Variants in GPR89B observed in about 807,000 individuals in gnomAD.
GPR89B encodes the protein golgi pH regulator B, also known as G protein-coupled receptor 89B.
Under a neutral mutation model 52.4 loss-of-function variants are expected in GPR89B, and 25 were observed. The observed-to-expected ratio is 0.48, with a 90% CI of 0.35 to 0.67. The LOEUF is 0.67. GPR89B is among the 30% of genes least tolerant of loss of function. The probability of loss-of-function intolerance (pLI) is 0.01; values close to 1 mark genes in which losing one functional copy is unlikely to be tolerated. For missense variants in GPR89B, 146 were observed against 450.2 expected, an observed-to-expected ratio of 0.32 and a Z score of 6.11; for synonymous variants, 52 against 151.2, an observed-to-expected ratio of 0.34 and a Z score of 4.81.
At chr1:148,009,982 C>G in the GPR89B span, among the ~76,000 whole-genome samples, 1 of 151,618 alleles carries the variant, frequency 6.6e-6, no homozygotes, top group African/African-American at 2.4e-5. Context: ...ACCCCAGTCT[C>G]CAGCATGGGA....
chr1:147,979,865 G>A (rs1658108265), intron 10 of GPR89B, among the ~76,000 whole-genome samples: 1 of 151,858 alleles, frequency 6.6e-6, no homozygotes, highest in Non-Finnish European at 1.5e-5. Context: ...GAAGCAGGAG[G>A]ACTGCTTGAG....
At chr1:147,956,882 T>C (rs1370187039) in intron 7 of GPR89B, among the ~76,000 whole-genome samples, 3 of 151,710 alleles carry the variant, frequency 2.0e-5, no homozygotes, top group African/African-American at 7.3e-5. Context: ...GGATTATAGG[T>C]GCGCACCACC....
At chr1:147,985,942 A>C (rs1658633129) in intron 10 of GPR89B, among the ~76,000 whole-genome samples, 1 of 152,256 alleles carries the variant, frequency 6.6e-6, no homozygotes, top group South Asian at 2.1e-4. Context: ...TGATAAATTA[A>C]GGCATAATGC....
At chr1:148,015,293 A>AGCTCTCTCTC in the GPR89B span, among the ~76,000 whole-genome samples, 1 of 69,860 alleles carries the variant, frequency 1.4e-5, no homozygotes, top group Non-Finnish European at 2.7e-5. Context: ...GGATTCTAGG[A>AGCTCTCTCTC]TCTCTCTCTC....
chr1:147,941,674 AATG>A (rs1174032229), intron 3 of GPR89B, among the ~76,000 whole-genome samples: 1 of 149,392 alleles, frequency 6.7e-6, no homozygotes, highest in Non-Finnish European at 1.5e-5. Context: ...AGTAACAATA[AATG>A]ATAATTATGC....
At chr1:147,971,562 C>CG (rs1306439213) in intron 10 of GPR89B, among the ~76,000 whole-genome samples, 2 of 150,664 alleles carry the variant, frequency 1.3e-5, no homozygotes, top group African/African-American at 4.9e-5. Context: ...GCAACCCCTC[C>CG]GCCTTCCAGA....
rs191737588 is a variant in GPR89B at position 147,928,646 on chromosome 1, C to G, written c.42+68C>G. On this transcript the variant is annotated intron_variant, in intron 1 of 13. Transcript: ENST00000314163. ...CACCGAATCGCCCTCTCCGGTCCTC[C>G]GCGGTGCGGGCTGGTCCGGGGTCTC... 4.9e-3 allele frequency: 7,755 copies of G among 1,598,748 alleles called. 16 individuals are homozygous for G. Among genetic ancestry groups the G allele is most frequent in the Middle Eastern group, 6.6e-3 (40 of 6,020 alleles).
chr1:147,960,248 C>G (rs1656432002), intron 7 of GPR89B, among the ~76,000 whole-genome samples: 1 of 151,176 alleles, frequency 6.6e-6, no homozygotes, highest in Non-Finnish European at 1.5e-5. Flanking sequence ...TTACCTTCAA[C>G]CAAAACTTGC....
chr1:148,003,038 A>G, the GPR89B span, among the ~76,000 whole-genome samples: 1 of 152,204 alleles, frequency 6.6e-6, no homozygotes, highest in Non-Finnish European at 1.5e-5. Context: ...TTCATTATGG[A>G]CATATGTCTC....
chr1:147,967,444 A>C (rs1395504860), intron 8 of GPR89B: 5 of 151,624 alleles, frequency 3.3e-5, no homozygotes, highest in African/African-American at 9.8e-5. Flanking sequence ...TAAAAAAGAA[A>C]GGATAAAGGA....
At chr1:147,958,638 C>CA (rs587655520) in intron 7 of GPR89B, among the ~76,000 whole-genome samples, 1,279 of 109,340 alleles carry the variant, frequency 0.012, 17 homozygotes, top group African/African-American at 0.03. Flanking sequence ...GACTCTGTCT[C>CA]AAAAAAAAAA....
At chr1:147,937,797 T>C (rs1654215341) in intron 2 of GPR89B, among the ~76,000 whole-genome samples, 1 of 152,210 alleles carries the variant, frequency 6.6e-6, no homozygotes, top group Non-Finnish European at 1.5e-5. Flanking sequence ...ACACATGTTT[T>C]GCAAACAATT....
At chr1:147,978,199 G>T (rs1170936986) in intron 10 of GPR89B, among the ~76,000 whole-genome samples, 3 of 151,864 alleles carry the variant, frequency 2.0e-5, no homozygotes, top group African/African-American at 7.3e-5. Context: ...TGTTGATGTT[G>T]TTGTTGTTGC....
downstream of GPR89B, among the ~76,000 whole-genome samples, chr1:147,996,056 A>C (rs1488240713): frequency 6.6e-6 from 1 of 152,092 alleles, no homozygotes; most frequent in Non-Finnish European, 1.5e-5. Context: ...ATATTTATGA[A>C]GGCTATAACT....
At chr1:148,000,324 T>C in the GPR89B span, among the ~76,000 whole-genome samples, 2 of 151,472 alleles carry the variant, frequency 1.3e-5, no homozygotes, top group Non-Finnish European at 2.9e-5. Flanking sequence ...ATTAGAGACT[T>C]CTATTCAAGT....
At chr1:147,932,297 G>A (rs1427284657) in intron 1 of GPR89B, among the ~76,000 whole-genome samples, 13 of 151,826 alleles carry the variant, frequency 8.6e-5, no homozygotes, top group African/African-American at 3.1e-4. Context: ...GCTTGATCTA[G>A]ATGCTTGGAT....
intron 7 of GPR89B, among the ~76,000 whole-genome samples, chr1:147,958,745 A>G (rs1415228133): frequency 1.3e-5 from 2 of 152,150 alleles, no homozygotes; most frequent in East Asian, 3.9e-4. Context: ...TGTACATACT[A>G]TAGCCCATTT....
chr1:147,933,034 T>C (rs1385093229), intron 1 of GPR89B, among the ~76,000 whole-genome samples: 2 of 152,176 alleles, frequency 1.3e-5, no homozygotes, highest in Admixed American at 1.3e-4. Context: ...TAATGCTAAG[T>C]ACTACTTAGC....
chr1:147,969,869 G>A lies in GPR89B; in HGVS notation c.819G>A (p.Glu273=). 6.9e-7 allele frequency: 1 copy of A among 1,449,014 alleles called. No individual in the cohort carries two copies. Among genetic ancestry groups the A allele is most frequent in the Non-Finnish European group, 9.3e-7 (1 of 1,075,532 alleles). 89.8% of individuals were successfully genotyped at this position (1,449,014 alleles called of 1,614,324 possible). Residue 273 remains glutamate, a splice_region_variant and synonymous_variant, in exon 10 of 14, where the codon GAG becomes GAA. Coordinates refer to ENST00000314163, the MANE Select transcript of GPR89B (RefSeq NM_016334.5). ...GTTTTGTGTTTGTTTTCCCCCAGGA[G>A]AGAATAGAATACTCCAAAACCTTCA... ...LETADLYATK[E]RIEYSKTFKG...
Sources: gnomAD v4.1 joint callset for allele counts (sites outside exome capture counted in the v4.1 genomes callset) on GRCh38, gnomAD v4.1.1 for gene constraint, MANE v1.5 for transcripts, NCBI Gene and HGNC (gene_info 2026-07-23, HGNC 2026-07-21) for gene names.